ATAD1: variants seen among roughly 807,000 people sequenced by gnomAD.
ATAD1 encodes outer mitochondrial transmembrane helix translocase.
A neutral mutation model predicts 42.7 loss-of-function variants in ATAD1; 18 were observed. The ratio of observed to expected loss-of-function variants is 0.42; its 90% CI spans 0.29 to 0.63. The LOEUF (loss-of-function observed/expected upper bound fraction) is 0.63, where lower values mean the gene tolerates loss of function less well. Among genes scored for constraint, ATAD1 ranks in the 20% least tolerant of loss-of-function variants. ATAD1 has a pLI of 0.19. For synonymous variants in ATAD1, 132 were observed against 143.1 expected, an observed-to-expected ratio of 0.92 and a Z score of 0.55; for missense variants, 294 against 440.4, an observed-to-expected ratio of 0.67 and a Z score of 2.98.
chr10:87,764,017 C>G (rs2131780828), intron 8 of ATAD1, among the ~76,000 whole-genome samples: 1 of 152,068 alleles, frequency 6.6e-6, no homozygotes, highest in African/African-American at 2.4e-5. Context: ...ATAGTTCTAC[C>G]AGATATTAAA....
intron 6 of ATAD1, among the ~76,000 whole-genome samples, chr10:87,775,420 CAA>C (rs35200026): frequency 4.2e-5 from 1 of 24,056 alleles, no homozygotes; most frequent in Non-Finnish European, 8.7e-5. Flanking sequence ...GACTCCATCT[CAA>C]AAAAAAAAAA....
In ATAD1 at chr10:87,753,823, G is replaced by C. The variant is rs1854108633; in HGVS notation, c.*864C>G. ...GACATGTTACATTAAATGAAAAAAG[G>C]AAAGAAATGTACATGTATTAAAGGG... On this transcript the variant is annotated 3_prime_UTR_variant, in exon 10 of 10. Transcript: ENST00000680024. The C allele has an allele frequency of 6.6e-6, 1 of 152,502 alleles. No individual in the cohort carries two copies. Among genetic ancestry groups the C allele is most frequent in the Non-Finnish European group, 1.5e-5 (1 of 67,996 alleles). 9.4% of individuals were successfully genotyped at this position (152,502 alleles called of 1,614,324 possible). A position where few individuals can be genotyped will look rare whatever the true frequency, so the allele number is the denominator to read the frequency against.
chr10:87,770,638 A>G (rs916646716), intron 7 of ATAD1, among the ~76,000 whole-genome samples: 2 of 152,222 alleles, frequency 1.3e-5, no homozygotes, highest in Non-Finnish European at 2.9e-5. Context: ...TGCTAAACCA[A>G]AACTATAATT....
Position 87,753,081 on chromosome 10 carries a change from C to T in ATAD1, c.*1606G>A, listed in dbSNP as rs188784348. 6.6e-6 allele frequency: 1 copy of T among 152,118 alleles called. No homozygotes were observed. The highest frequency in any genetic ancestry group is 2.4e-5 in the African/African-American group (1 of 41,522). 9.4% of individuals were successfully genotyped at this position (152,118 alleles called of 1,614,324 possible). The stretch of plus-strand genomic sequence containing the variant: ...AAAAATCCCAGAAAACTTAAAATTA[C>T]TGAAAAAGACCAAAGATTAAGTGGA... On this transcript the variant is annotated 3_prime_UTR_variant, in exon 10 of 10. Coordinates refer to ENST00000680024, the MANE Select transcript of ATAD1 (RefSeq NM_001321967.2).
chr10:87,837,399 A>G (rs1444274582), intron 1 of ATAD1, among the ~76,000 whole-genome samples: 3 of 152,136 alleles, frequency 2.0e-5, no homozygotes, highest in Admixed American at 6.5e-5. Flanking sequence ...TTTGCTTTCC[A>G]TGCTATTTGG....
At position 87,767,322 on chromosome 10, in the gene ATAD1, TGGA is replaced by T. The variant is rs1399572962; in HGVS notation, c.831+348_831+350del. 3.3e-5 allele frequency among the ~76,000 whole-genome samples: 5 copies of T among 152,052 alleles called. No individual in the cohort carries two copies. The East Asian group carries it at 7.7e-4, about 23-fold the overall frequency. ...CAATTTTTCCACAGACCTGGAGAAG[TGGA>T]GGAGGGGGGCATAGTTTGGGGATGA... On this transcript the variant is annotated intron_variant, in intron 8 of 9. Coordinates refer to ENST00000680024, the MANE Select transcript of ATAD1 (RefSeq NM_001321967.2).
chr10:87,829,134 C>G (rs1364530068), intron 1 of ATAD1, among the ~76,000 whole-genome samples: 1 of 152,136 alleles, frequency 6.6e-6, no homozygotes, highest in Non-Finnish European at 1.5e-5. Flanking sequence ...TAGAGAAATA[C>G]ATTTTATAAG....
intron 4 of ATAD1, among the ~76,000 whole-genome samples, chr10:87,789,269 G>A (rs1267569866): frequency 1.3e-5 from 2 of 152,158 alleles, no homozygotes; most frequent in African/African-American, 4.8e-5. Flanking sequence ...AACCCATATA[G>A]TTTTGGCAAT....
intron 1 of ATAD1, among the ~76,000 whole-genome samples, chr10:87,836,626 T>C (rs189425151): frequency 3.6e-4 from 55 of 152,350 alleles, no homozygotes; most frequent in African/African-American, 1.2e-3. Context: ...TTTCAGTTTT[T>C]AGCAGTTTGA....
chr10:87,781,320 G>C (rs764653226), intron 5 of ATAD1, among the ~76,000 whole-genome samples: 12 of 152,014 alleles, frequency 7.9e-5, no homozygotes, highest in Non-Finnish European at 1.3e-4. Context: ...AGTAAAAAAA[G>C]GGAAACATTT....
chr10:87,819,263 C>CAAAAAAAAAAAAAAAAAAAAAAAAA (rs57941047), upstream of ATAD1: 1 of 53,726 alleles, frequency 1.9e-5, no homozygotes, highest in African/African-American at 7.3e-5. Context: ...ATCGTCTCTA[C>CAAAAAAAAAAAAAAAAAAAAAAAAA]AAAAAAAAAA....
At chr10:87,776,840 T>C (rs1424473979) in intron 5 of ATAD1, among the ~76,000 whole-genome samples, 1 of 152,114 alleles carries the variant, frequency 6.6e-6, no homozygotes, top group Non-Finnish European at 1.5e-5. Flanking sequence ...TTTTAGATGA[T>C]GGGTATTCTA....
chr10:87,830,748 T>C (rs1903861), intron 1 of ATAD1, among the ~76,000 whole-genome samples: 57,028 of 152,084 alleles, frequency 0.37, 11,309 homozygotes, highest in Non-Finnish European at 0.45. Flanking sequence ...TCTATTAACA[T>C]AGTAAATAGT....
intron 4 of ATAD1, 121 bp downstream of exon 4, chr10:87,790,189 C>T (rs1334166773): frequency 8.8e-7 from 1 of 1,140,978 alleles, no homozygotes; most frequent in African/African-American, 1.6e-5. Context: ...AGAAACTGTT[C>T]ACATAGATCT....
intron 2 of ATAD1, among the ~76,000 whole-genome samples, chr10:87,795,461 G>C (rs1291000385): frequency 1.0e-5 from 1 of 96,484 alleles, no homozygotes. Context: ...ACCATGGTTT[G>C]CTTGTTTTTT....
At chr10:87,813,734 T>C (rs1025039636) in intron 2 of ATAD1, among the ~76,000 whole-genome samples, 1 of 151,902 alleles carries the variant, frequency 6.6e-6, no homozygotes, top group South Asian at 2.1e-4. Flanking sequence ...TCCATGAATA[T>C]CCTATTTAAT....
At chr10:87,788,952 G>C in intron 4 of ATAD1, among the ~76,000 whole-genome samples, 1 of 152,016 alleles carries the variant, frequency 6.6e-6, no homozygotes, top group East Asian at 1.9e-4. Flanking sequence ...TGTTATTTCA[G>C]AAAACAAAAA....
At chr10:87,806,370 A>G (rs1210347774) in intron 2 of ATAD1, among the ~76,000 whole-genome samples, 1 of 152,128 alleles carries the variant, frequency 6.6e-6, no homozygotes, top group African/African-American at 2.4e-5. Flanking sequence ...AAGAAACACA[A>G]TATAATCAAT....
At chr10:87,839,706 C>G (rs1380093209) in intron 1 of ATAD1, among the ~76,000 whole-genome samples, 3 of 151,720 alleles carry the variant, frequency 2.0e-5, no homozygotes, top group Non-Finnish European at 4.4e-5. Flanking sequence ...TTTCTTTCTT[C>G]CCCCCCGCCG....
Sources: allele counts gnomAD v4.1 joint callset (sites outside exome capture counted in the v4.1 genomes callset), GRCh38; gene constraint gnomAD v4.1.1; transcripts MANE v1.5; gene names NCBI Gene and HGNC (gene_info 2026-07-23, HGNC 2026-07-21).